SLC1A3: variants seen among roughly 807,000 people sequenced by gnomAD.
SLC1A3 encodes solute carrier family 1 member 3, also known as excitatory amino acid transporter 1.
A neutral mutation model predicts 48.1 loss-of-function variants in SLC1A3; 21 were observed. The observed-to-expected ratio is 0.44, with a 90% CI of 0.31 to 0.63. The LOEUF (loss-of-function observed/expected upper bound fraction) is 0.63, where lower values mean the gene tolerates loss of function less well. Ranked by LOEUF, SLC1A3 falls within the 20% of genes least tolerant of loss-of-function variation. The probability of loss-of-function intolerance (pLI) is 0.08; values close to 1 mark genes in which losing one functional copy is unlikely to be tolerated. For missense variants in SLC1A3, 546 were observed against 689.0 expected, an observed-to-expected ratio of 0.79 and a Z score of 2.32; for synonymous variants, 239 against 251.4, an observed-to-expected ratio of 0.95 and a Z score of 0.47.
chr5:36,686,133 C>G lies in SLC1A3; in HGVS notation c.1493C>G (p.Ser498Ter). Residue 498 changes from serine to a stop codon, truncating the protein, a stop_gained, in exon 10 of 10, where the codon TCA becomes TGA. Transcript: ENST00000265113. LOFTEE classifies it high-confidence loss of function. The part of the protein sequence containing the change: ...SLGAGIVEHL[S>*]RHELKNRDVE... ...GGAGCTGGGATTGTGGAGCACTTGT[C>G]ACGACATGAACTGAAGAACAGAGAT... is the stretch of plus-strand genomic sequence containing the variant. The G allele has an allele frequency of 6.2e-7, 1 of 1,614,156 alleles. No homozygotes were observed. The highest frequency in any genetic ancestry group is 8.5e-7 in the Non-Finnish European group (1 of 1,179,996).
chr5:36,653,475 C>T (rs1056177586), intron 3 of SLC1A3, among the ~76,000 whole-genome samples: 7 of 152,146 alleles, frequency 4.6e-5, no homozygotes, highest in Non-Finnish European at 8.8e-5. Flanking sequence ...CTCTCAAAGT[C>T]GAATCTGGTA....
At position 36,686,271 on chromosome 5, in the gene SLC1A3, C is replaced by A. The variant is rs1407510895; in HGVS notation, c.*2C>A. On this transcript the variant is annotated 3_prime_UTR_variant, in exon 10 of 10. Coordinates refer to ENST00000265113, the MANE Select transcript of SLC1A3 (RefSeq NM_004172.5). ...ATCGACAGTGAAACCAAGATGTAGA[C>A]TAACATAAAGAAACACTTTCTTGAG... 7.5e-6 allele frequency: 12 copies of A among 1,605,230 alleles called. No homozygotes were observed. Among genetic ancestry groups the A allele is most frequent in the Non-Finnish European group, 1.0e-5 (12 of 1,171,936 alleles).
chr5:36,644,019 AAAT>A (rs1740736514), intron 3 of SLC1A3, among the ~76,000 whole-genome samples: 1 of 68,744 alleles, frequency 1.5e-5, no homozygotes, highest in African/African-American at 4.0e-5. Flanking sequence ...CTCAAAAAAT[AAAT>A]AAATAAATAA....
chr5:36,661,123 TA>T (rs1164176524), intron 3 of SLC1A3, among the ~76,000 whole-genome samples: 2 of 152,168 alleles, frequency 1.3e-5, no homozygotes, highest in African/African-American at 4.8e-5. Flanking sequence ...GGATTTAATT[TA>T]AAAAATAGAC....
intron 2 of SLC1A3, among the ~76,000 whole-genome samples, chr5:36,619,383 TA>T: frequency 1.3e-5 from 2 of 152,206 alleles, no homozygotes; most frequent in Non-Finnish European, 2.9e-5. Flanking sequence ...CTCACTGCTG[TA>T]ATACCAGCAA....
upstream of SLC1A3, among the ~76,000 whole-genome samples, chr5:36,606,000 C>T (rs1738921075): frequency 6.6e-6 from 1 of 152,186 alleles, no homozygotes; most frequent in Non-Finnish European, 1.5e-5. Context: ...CTACCTTTTC[C>T]GTCTTTGCAA....
At chr5:36,609,104 C>T in intron 2 of SLC1A3, 2 of 985,792 alleles carry the variant, frequency 2.0e-6, no homozygotes, top group Non-Finnish European at 2.4e-6. Context: ...TGTTTGCACT[C>T]TCTCACCCAG....
In SLC1A3 at chr5:36,614,823, C is replaced by T. The variant is rs563622700; in HGVS notation, c.181+6219C>T. On this transcript the variant is annotated intron_variant, in intron 2 of 9. Coordinates refer to ENST00000265113, the MANE Select transcript of SLC1A3 (RefSeq NM_004172.5). ...GGCTGGAACCCTGAGAGAAATGTGGCTGGTTTCCAAGAGAGTTGGGAAAGG... is the reference window on the plus strand; with the variant it reads ...GGCTGGAACCCTGAGAGAAATGTGGTTGGTTTCCAAGAGAGTTGGGAAAGG... Among the ~76,000 whole-genome samples the T allele has an allele frequency of 2.6e-5, 4 of 152,176 alleles. No individual in the cohort carries two copies. The East Asian group carries it at 7.7e-4, about 29-fold the overall frequency.
rs188843895 is a variant in SLC1A3 at position 36,646,882 on chromosome 5, G to A, written c.319+17295G>A. ...AAGGATTCCTCACATTTTTGCAGGT[G>A]TAAGTCATTCCTGCCTCAGTGGAGT... On this transcript the variant is annotated intron_variant, in intron 3 of 9. Coordinates refer to ENST00000265113, the MANE Select transcript of SLC1A3 (RefSeq NM_004172.5). Among the ~76,000 whole-genome samples the A allele has an allele frequency of 2.1e-3, 324 of 152,312 alleles. 1 individual carries two copies. Among genetic ancestry groups the A allele is most frequent in the African/African-American group, 7.6e-3 (314 of 41,568 alleles).
rs1454161551 is a variant in SLC1A3 at position 36,664,929 on chromosome 5, G to A, written c.320-6100G>A. ...AATAGGGTGCCCATTCCATGGTGGT[G>A]AGTAATAAGTGGAAGTTTTCCAGCC... On this transcript the variant is annotated intron_variant, in intron 3 of 9. Transcript: ENST00000265113. 3.3e-5 allele frequency among the ~76,000 whole-genome samples: 5 copies of A among 152,168 alleles called. No homozygotes were observed. The East Asian group carries it at 9.6e-4, about 29-fold the overall frequency.
intron 1 of SLC1A3, among the ~76,000 whole-genome samples, chr5:36,596,845 CCCT>C: frequency 6.6e-6 from 1 of 152,280 alleles, no homozygotes; most frequent in Non-Finnish European, 1.5e-5. Context: ...GAATCTATTG[CCCT>C]TTAAGACAGG....
At chr5:36,635,045 A>C (rs76033157) in intron 3 of SLC1A3, among the ~76,000 whole-genome samples, 34 of 152,248 alleles carry the variant, frequency 2.2e-4, no homozygotes, top group East Asian at 2.1e-3. Flanking sequence ...TAATATCTTA[A>C]ACTATGCATT....
At chr5:36,619,482 T>A (rs1209420328) in intron 2 of SLC1A3, among the ~76,000 whole-genome samples, 1 of 150,932 alleles carries the variant, frequency 6.6e-6, no homozygotes, top group East Asian at 2.0e-4. Flanking sequence ...TCTAAAAAAA[T>A]TTCTAAAATT....
At chr5:36,654,310 A>C (rs1741205131) in intron 3 of SLC1A3, among the ~76,000 whole-genome samples, 1 of 152,214 alleles carries the variant, frequency 6.6e-6, no homozygotes, top group South Asian at 2.1e-4. Context: ...GTGCTGCAGA[A>C]CACTCAGTGG....
chr5:36,664,497 A>T (rs1056775798), intron 3 of SLC1A3, among the ~76,000 whole-genome samples: 8 of 148,144 alleles, frequency 5.4e-5, no homozygotes, highest in African/African-American at 2.0e-4. Context: ...GTTTACAAAC[A>T]TTTTTTTTTT....
rs68027582 is a variant in SLC1A3 at position 36,645,319 on chromosome 5, CTT to C, written c.319+15760_319+15761del. The stretch of plus-strand genomic sequence containing the variant: ...ATCTTTGAGGACTGACTTCCGCTGC[CTT>C]TTTTTTTTTTTTTTTTTTTTTTTTT... On this transcript the variant is annotated intron_variant, in intron 3 of 9. Coordinates refer to ENST00000265113, the MANE Select transcript of SLC1A3 (RefSeq NM_004172.5). Among the ~76,000 whole-genome samples, 766 of 84,272 alleles carry C rather than the reference CTT, an allele frequency of 9.1e-3. 199 individuals are homozygous for C. The highest frequency in any genetic ancestry group is 0.022 in the African/African-American group (526 of 23,472). The allele number at this position is 84,272 out of a possible 152,430, so 55.3% of individuals were successfully genotyped here. A position where few individuals can be genotyped will look rare whatever the true frequency, so the allele number is the denominator to read the frequency against.
In SLC1A3 at chr5:36,629,431, T is replaced by C; in HGVS notation, c.182-19T>C. 4 of 1,531,316 alleles carry C rather than the reference T, an allele frequency of 2.6e-6. No homozygotes were observed. Among genetic ancestry groups the C allele is most frequent in the Non-Finnish European group, 3.6e-6 (4 of 1,123,550 alleles). 94.9% of individuals were successfully genotyped at this position (1,531,316 alleles called of 1,614,324 possible). ...AAAGACTCAATTTTTCTTTTTCTTT[T>C]TTTTTTTTTTTCCTTCAGGTACAAT... On this transcript the variant is annotated intron_variant, in intron 2 of 9. Transcript: ENST00000265113.
intron 5 of SLC1A3, among the ~76,000 whole-genome samples, chr5:36,676,429 A>G (rs1389499337): frequency 6.6e-6 from 1 of 152,222 alleles, no homozygotes. Flanking sequence ...ATATGAGAGA[A>G]AGGATACCAG....
intron 9 of SLC1A3, among the ~76,000 whole-genome samples, chr5:36,685,658 T>C (rs567745741): frequency 5.3e-5 from 8 of 152,258 alleles, no homozygotes; most frequent in African/African-American, 1.7e-4. Context: ...ACAAGACAGT[T>C]GGAGTTTCCT....
Sources: allele counts gnomAD v4.1 joint callset (sites outside exome capture counted in the v4.1 genomes callset), GRCh38; gene constraint gnomAD v4.1.1; transcripts MANE v1.5; gene names NCBI Gene and HGNC (gene_info 2026-07-23, HGNC 2026-07-21).